SEPTIN9: variants seen among roughly 807,000 people sequenced by gnomAD.
SEPTIN9 encodes septin-9.
In SEPTIN9, 13 loss-of-function variants were observed where a neutral mutation model predicts 56.6. That is an observed-to-expected ratio of 0.23 (90% CI 0.15 to 0.37). SEPTIN9 has a LOEUF of 0.37. SEPTIN9 is among the 10% of genes least tolerant of loss of function. The pLI, the probability that SEPTIN9 is intolerant of heterozygous loss-of-function variation, is 1.00. For synonymous variants in SEPTIN9, 332 were observed against 334.1 expected (o/e 0.99, Z 0.07); for missense variants, 650 against 823.1 (o/e 0.79, Z 2.57).
chr17:77,327,067 T>C lies in SEPTIN9; in HGVS notation c.76+19870T>C, dbSNP rs116642721. ...GTAAATTCCATGAGCCCCAGGAACA[T>C]GTGTAAAAGAAAAAAAAAAGAATAA... On this transcript the variant is annotated intron_variant, in intron 2 of 11. Transcript: ENST00000427177. The surrounding 1 kb of genome is among the most constrained non-coding windows in gnomAD (Gnocchi z 5.0). 4.6e-3 allele frequency among the ~76,000 whole-genome samples: 691 copies of C among 151,690 alleles called. 6 individuals are homozygous for C. Among genetic ancestry groups the C allele is most frequent in the African/African-American group, 0.015 (612 of 41,282 alleles).
intron 3 of SEPTIN9, among the ~76,000 whole-genome samples, chr17:77,407,318 A>G (rs1203457268): frequency 6.6e-6 from 1 of 151,044 alleles, no homozygotes; most frequent in African/African-American, 2.4e-5. Context: ...ATCCCATAAG[A>G]TACCAAGTAA....
chr17:77,354,331 C>T (rs890693586), intron 2 of SEPTIN9, among the ~76,000 whole-genome samples: 13 of 152,226 alleles, frequency 8.5e-5, no homozygotes, highest in Admixed American at 2.0e-4. Context: ...CATGAACGCT[C>T]ACTCATGCGG....
At chr17:77,337,008 T>G (rs911378464) in intron 2 of SEPTIN9, among the ~76,000 whole-genome samples, 1 of 151,408 alleles carries the variant, frequency 6.6e-6, no homozygotes, top group Non-Finnish European at 1.5e-5. Context: ...GTTTTTTTTT[T>G]TTTTTTTTTT....
rs978413866 is a variant in SEPTIN9, at chr17:77,327,363, C to T, written c.76+20166C>T. 9.9e-5 allele frequency among the ~76,000 whole-genome samples: 15 copies of T among 152,200 alleles called. No individual in the cohort carries two copies. The highest frequency in any genetic ancestry group is 3.6e-4 in the African/African-American group (15 of 41,452). Reference sequence around the variant, plus strand: ...CTCCGAACGGCCAGAGCTTCTGAAGCCGCTCGCTGTGTGCCCCCGCCTGGC... The same window carrying T: ...CTCCGAACGGCCAGAGCTTCTGAAGTCGCTCGCTGTGTGCCCCCGCCTGGC... On this transcript the variant is annotated intron_variant, in intron 2 of 11. Coordinates refer to ENST00000427177, the MANE Select transcript of SEPTIN9 (RefSeq NM_001113491.2). This position sits in a 1 kb window ranked among gnomAD's most constrained non-coding sequence, Gnocchi z 5.0.
At chr17:77,307,562 C>T (rs912224240) in intron 2 of SEPTIN9, among the ~76,000 whole-genome samples, 8 of 152,114 alleles carry the variant, frequency 5.3e-5, no homozygotes, top group Admixed American at 3.3e-4. Flanking sequence ...GTGAGCCTCT[C>T]GGTGTTGGTT....
intron 3 of SEPTIN9, among the ~76,000 whole-genome samples, chr17:77,420,326 C>T (rs2036654313): frequency 6.6e-6 from 1 of 152,238 alleles, no homozygotes; most frequent in Non-Finnish European, 1.5e-5. Flanking sequence ...AGTTTGCCTC[C>T]TCGGAACACT....
chr17:77,489,167 C>T (rs1047181949), intron 7 of SEPTIN9, among the ~76,000 whole-genome samples: 1 of 152,216 alleles, frequency 6.6e-6, no homozygotes, highest in African/African-American at 2.4e-5. Context: ...TCAGGCCAGG[C>T]TCTGGCAGGT....
intron 1 of SEPTIN9, among the ~76,000 whole-genome samples, chr17:77,292,885 T>C (rs146719943): frequency 6.6e-6 from 1 of 152,206 alleles, no homozygotes; most frequent in Non-Finnish European, 1.5e-5. Flanking sequence ...ATCTTCCCCT[T>C]GGCCCCCTGG....
chr17:77,499,874 CCCTAG>C lies in SEPTIN9; in HGVS notation c.*1217_*1221del, dbSNP rs1213836327. On this transcript the variant is annotated 3_prime_UTR_variant, in exon 12 of 12. Coordinates refer to ENST00000427177, the MANE Select transcript of SEPTIN9 (RefSeq NM_001113491.2). ...CCCCTCAGAGCCCATGGTAACGAAC[CCCTAG>C]AAAGGAGAGAACGGGCGTCAGGGGT... The C allele has an allele frequency of 1.0e-5, 3 of 288,918 alleles. No individual in the cohort carries two copies. Among genetic ancestry groups the C allele is most frequent in the Non-Finnish European group, 2.0e-5 (3 of 151,390 alleles). The allele number at this position is 288,918 out of a possible 1,614,324, so 17.9% of individuals were successfully genotyped here.
intron 1 of SEPTIN9, among the ~76,000 whole-genome samples, chr17:77,301,902 C>T (rs943695336): frequency 6.6e-6 from 1 of 152,156 alleles, no homozygotes; most frequent in African/African-American, 2.4e-5. Flanking sequence ...GGCGGTGTCA[C>T]CCTCCTCTGA....
intron 3 of SEPTIN9, chr17:77,466,334 A>G: frequency 3.1e-6 from 3 of 960,870 alleles, no homozygotes; most frequent in Non-Finnish European, 3.7e-6. Flanking sequence ...GGCCCGGGCC[A>G]GGCCCCTTCC....
intron 2 of SEPTIN9, among the ~76,000 whole-genome samples, chr17:77,392,357 C>T (rs2035570335): frequency 6.6e-6 from 1 of 152,212 alleles, no homozygotes. Context: ...TCCCTGGGTG[C>T]TGACCCCCCT....
intron 3 of SEPTIN9, among the ~76,000 whole-genome samples, chr17:77,480,329 G>T (rs2039404355): frequency 6.6e-6 from 1 of 152,214 alleles, no homozygotes. Context: ...CACCTCTGAT[G>T]CCTCAGGCCT....
intron 1 of SEPTIN9, among the ~76,000 whole-genome samples, chr17:77,294,000 AG>A (rs1390996116): frequency 2.0e-5 from 3 of 151,522 alleles, no homozygotes; most frequent in Admixed American, 2.0e-4. Context: ...GTTACTTAGG[AG>A]GCTGAGGTGG....
Position 77,493,085 on chromosome 17 carries a change from C to T in SEPTIN9, c.1573+9C>T, listed in dbSNP as rs148975193. 11,398 of 1,548,234 alleles carry T rather than the reference C, an allele frequency of 7.4e-3. 49 individuals are homozygous for T. Among genetic ancestry groups the T allele is most frequent in the South Asian group, 8.8e-3 (740 of 84,058 alleles). On this transcript the variant is annotated intron_variant, in intron 10 of 11. Coordinates refer to ENST00000427177, the MANE Select transcript of SEPTIN9 (RefSeq NM_001113491.2). ...GTGGGGTACCATCGAAGGTACTCGC[C>T]GCAGGCGCCGGGGCTCCAGACAGAT...
rs188157122 is a variant in SEPTIN9, at chr17:77,335,554, T to C, written c.76+28357T>C. Among the ~76,000 whole-genome samples, 149 of 146,718 alleles carry C rather than the reference T, an allele frequency of 1.0e-3. 2 individuals are homozygous for C. The highest frequency in any genetic ancestry group is 3.2e-3 in the African/African-American group (123 of 39,008). On this transcript the variant is annotated intron_variant, in intron 2 of 11. Coordinates refer to ENST00000427177, the MANE Select transcript of SEPTIN9 (RefSeq NM_001113491.2). ...TATGTACATATATACATGTAGGCCC[T>C]ATGTTGACTGTATATGTAGTCCTAT...
Position 77,367,602 on chromosome 17 carries a change from G to C in SEPTIN9, c.77-34457G>C, listed in dbSNP as rs2034609285. On this transcript the variant is annotated intron_variant, in intron 2 of 11. Coordinates refer to ENST00000427177, the MANE Select transcript of SEPTIN9 (RefSeq NM_001113491.2). This position sits in a 1 kb window ranked among gnomAD's most constrained non-coding sequence, Gnocchi z 4.5. The stretch of plus-strand genomic sequence containing the variant: ...AGGCTGAGGAGGATGGATCACTTGA[G>C]GCCAGGAGTTCGAGACTACCCTGGC... 6.6e-6 allele frequency among the ~76,000 whole-genome samples: 1 copy of C among 151,992 alleles called. No individual in the cohort carries two copies. Among genetic ancestry groups the C allele is most frequent in the Non-Finnish European group, 1.5e-5 (1 of 67,992 alleles).
intron 3 of SEPTIN9, chr17:77,469,817 CCATCCACT>C (rs1196336306): frequency 1.3e-5 from 2 of 150,876 alleles, no homozygotes; most frequent in Admixed American, 6.6e-5. Flanking sequence ...ACCCATCCAC[CCATCCACT>C]CATCCACCTG....
chr17:77,412,932 A>G (rs1234711061), intron 3 of SEPTIN9, among the ~76,000 whole-genome samples: 2 of 152,044 alleles, frequency 1.3e-5, no homozygotes, highest in Non-Finnish European at 2.9e-5. Flanking sequence ...ATAGGAAAGA[A>G]TTTCACCCAC....
Sources: gnomAD v4.1 joint callset for allele counts (sites outside exome capture counted in the v4.1 genomes callset) on GRCh38, gnomAD v4.1.1 for gene constraint, Gnocchi (gnomAD v3.1) non-coding constraint, MANE v1.5 for transcripts, NCBI Gene and HGNC (gene_info 2026-07-23, HGNC 2026-07-21) for gene names.